The following FAM184B variants were observed in gnomAD, a reference collection of about 807,000 sequenced individuals.
FAM184B encodes protein FAM184B.
Under a neutral mutation model 135.9 loss-of-function variants are expected in FAM184B, and 111 were observed. That is an observed-to-expected ratio of 0.82 (90% confidence interval 0.70 to 0.96). The LOEUF is 0.96. Among genes scored for constraint, FAM184B ranks in the 40% least tolerant of loss-of-function variants. FAM184B has a pLI of 0.00. For missense variants in FAM184B, 1,375 were observed against 1,323.9 expected (o/e 1.04, Z -0.60); for synonymous variants, 552 against 524.8 (o/e 1.05, Z -0.71).
intron 1 of FAM184B, among the ~76,000 whole-genome samples, chr4:17,757,979 T>C (rs1472820595): frequency 6.6e-6 from 1 of 152,162 alleles, no homozygotes; most frequent in East Asian, 1.9e-4. Flanking sequence ...ATTACAAATA[T>C]CCAACTGCCT....
chr4:17,771,718 T>G (rs1174948527), intron 1 of FAM184B, among the ~76,000 whole-genome samples: 2 of 152,182 alleles, frequency 1.3e-5, no homozygotes, highest in Non-Finnish European at 2.9e-5. Context: ...TCACTCCTCC[T>G]GCCCTACAGC....
At chr4:17,754,459 G>A (rs1718375677) in intron 1 of FAM184B, among the ~76,000 whole-genome samples, 1 of 151,410 alleles carries the variant, frequency 6.6e-6, no homozygotes, top group Admixed American at 6.6e-5. Flanking sequence ...GCTGAGGCAG[G>A]AGAATCGCTT....
chr4:17,712,465 A>T (rs1166018103), intron 1 of FAM184B, among the ~76,000 whole-genome samples: 1 of 151,798 alleles, frequency 6.6e-6, no homozygotes, highest in African/African-American at 2.4e-5. Flanking sequence ...TTTCCTGAAG[A>T]CTCCCCATCA....
intron 1 of FAM184B, among the ~76,000 whole-genome samples, chr4:17,731,639 A>G (rs1177486491): frequency 1.3e-5 from 2 of 152,264 alleles, no homozygotes; most frequent in Non-Finnish European, 2.9e-5. Context: ...TATCCTAAAT[A>G]TAAATGCACC....
chr4:17,681,486 A>T (rs887359910), intron 7 of FAM184B, among the ~76,000 whole-genome samples: 4 of 152,202 alleles, frequency 2.6e-5, no homozygotes, highest in African/African-American at 9.7e-5. Context: ...TGTCAGGTGG[A>T]ACCAGACCCT....
intron 1 of FAM184B, among the ~76,000 whole-genome samples, chr4:17,742,982 C>T (rs1250658109): frequency 6.6e-6 from 1 of 152,182 alleles, no homozygotes; most frequent in African/African-American, 2.4e-5. Context: ...CTGTGGAGCC[C>T]CACAGAGCTT....
chr4:17,726,485 C>CCTCA (rs1717641194), intron 1 of FAM184B, among the ~76,000 whole-genome samples: 1 of 152,104 alleles, frequency 6.6e-6, no homozygotes, highest in Admixed American at 6.6e-5. Flanking sequence ...GACTCTTGTG[C>CCTCA]CTCAGCCTCC....
At chr4:17,642,018 G>A in intron 13 of FAM184B, 38 bp downstream of exon 13, 5 of 1,500,700 alleles carry the variant, frequency 3.3e-6, no homozygotes, top group Non-Finnish European at 4.4e-6. Flanking sequence ...GGTAGGGGGT[G>A]AGGGTGGCGC....
chr4:17,764,581 A>G lies in FAM184B; in HGVS notation c.141+16578T>C, dbSNP rs528311490. ...TGGAGGTTCTAAAGATGTAAAAAAC[A>G]TAAGACAAAGTTCTTGTCCTCAAAA... On this transcript the variant is annotated intron_variant, in intron 1 of 17. Coordinates refer to ENST00000265018, the MANE Select transcript of FAM184B (RefSeq NM_015688.2). Among the ~76,000 whole-genome samples the G allele has an allele frequency of 2.6e-5, 4 of 152,372 alleles. No individual in the cohort carries two copies. The East Asian group carries it at 7.7e-4, about 29-fold the overall frequency.
At chr4:17,714,946 G>T (rs962675773) in intron 1 of FAM184B, among the ~76,000 whole-genome samples, 1 of 152,090 alleles carries the variant, frequency 6.6e-6, no homozygotes, top group Non-Finnish European at 1.5e-5. Flanking sequence ...GAACTGTTCT[G>T]TCAGGCTGAA....
intron 1 of FAM184B, among the ~76,000 whole-genome samples, chr4:17,721,014 G>C (rs1175707060): frequency 6.6e-6 from 1 of 151,774 alleles, no homozygotes; most frequent in Non-Finnish European, 1.5e-5. Flanking sequence ...AGGTGAAAAA[G>C]TTCGTCTGCA....
chr4:17,666,668 C>A (rs112124741), intron 7 of FAM184B, among the ~76,000 whole-genome samples: 1 of 151,250 alleles, frequency 6.6e-6, no homozygotes, highest in Non-Finnish European at 1.5e-5. Flanking sequence ...AAAATCTCAC[C>A]CCCCTCACTC....
At chr4:17,640,156 C>G (rs978479337) in intron 13 of FAM184B, among the ~76,000 whole-genome samples, 6 of 151,442 alleles carry the variant, frequency 4.0e-5, no homozygotes, top group Admixed American at 2.0e-4. Flanking sequence ...TATCCCTCAC[C>G]TTTATCAAAA....
chr4:17,730,458 A>G (rs1271319133), intron 1 of FAM184B, among the ~76,000 whole-genome samples: 1 of 152,190 alleles, frequency 6.6e-6, no homozygotes, highest in Non-Finnish European at 1.5e-5. Context: ...CAAGACACAT[A>G]ATTGTCAGAT....
At chr4:17,655,636 A>G (rs1715764162) in intron 10 of FAM184B, among the ~76,000 whole-genome samples, 1 of 152,148 alleles carries the variant, frequency 6.6e-6, no homozygotes, top group Non-Finnish European at 1.5e-5. Context: ...GCTTCCACCC[A>G]CTGATCCCAG....
chr4:17,715,860 C>T (rs1216782798), intron 1 of FAM184B, among the ~76,000 whole-genome samples: 2 of 152,138 alleles, frequency 1.3e-5, no homozygotes, highest in African/African-American at 4.8e-5. Flanking sequence ...TCTCTGCCTC[C>T]TTCTGAGAGC....
chr4:17,637,219 G>A (rs997591454), intron 14 of FAM184B, among the ~76,000 whole-genome samples: 1 of 152,162 alleles, frequency 6.6e-6, no homozygotes, highest in African/African-American at 2.4e-5. Flanking sequence ...AGAGGAGACG[G>A]GGTTTCACTA....
chr4:17,747,730 G>C (rs1055602416), intron 1 of FAM184B, among the ~76,000 whole-genome samples: 2 of 151,794 alleles, frequency 1.3e-5, no homozygotes, highest in Non-Finnish European at 2.9e-5. Context: ...GACCATCCTG[G>C]CTAACACGAT....
intron 1 of FAM184B, among the ~76,000 whole-genome samples, chr4:17,750,766 G>A (rs940109306): frequency 6.6e-6 from 1 of 152,142 alleles, no homozygotes; most frequent in Admixed American, 6.6e-5. Context: ...GGACCTGATA[G>A]AGCCTACCAA....
Sources: allele counts gnomAD v4.1 joint callset (sites outside exome capture counted in the v4.1 genomes callset), GRCh38; gene constraint gnomAD v4.1.1; transcripts MANE v1.5; gene names NCBI Gene and HGNC (gene_info 2026-07-23, HGNC 2026-07-21).